PRKAG2: variants seen among roughly 807,000 people sequenced by gnomAD.
PRKAG2 encodes 5'-AMP-activated protein kinase subunit gamma-2.
Under a neutral mutation model 69.6 loss-of-function variants are expected in PRKAG2, and 26 were observed. The ratio of observed to expected loss-of-function variants is 0.37; its 90% CI spans 0.27 to 0.52. The LOEUF is 0.52. Among genes scored for constraint, PRKAG2 ranks in the 20% least tolerant of loss-of-function variants. The pLI is 0.90. For missense variants in PRKAG2, 557 were observed against 740.0 expected, an observed-to-expected ratio of 0.75 and a Z score of 2.87; for synonymous variants, 293 against 285.0, an observed-to-expected ratio of 1.03 and a Z score of -0.28.
Position 151,564,157 on chromosome 7 carries a change from G to C in PRKAG2, c.1505C>G (p.Ser502Ter). The change falls in exon 14 of 16, where the codon TCA (serine) becomes TGA (stop). Residue 502 changes from serine (S) to a stop codon, truncating the protein, a stop_gained. Transcript: ENST00000287878. LOFTEE classifies it high-confidence loss of function. ...CTTCACAACACCTTCAAAATACTGT[G>C]AACGGTGCTGAAGGGCCTGGGTCAC... ...ITVTQALQHR[S>*]QYFEGVVKCN... The C allele has an allele frequency of 3.1e-6, 5 of 1,614,120 alleles. No homozygotes were observed. Among genetic ancestry groups the C allele is most frequent in the Non-Finnish European group, 4.2e-6 (5 of 1,179,998 alleles).
At chr7:151,628,135 G>T (rs73478084) in intron 5 of PRKAG2, among the ~76,000 whole-genome samples, 9 of 152,254 alleles carry the variant, frequency 5.9e-5, no homozygotes, top group South Asian at 4.1e-4. Flanking sequence ...AAACTTGAAA[G>T]AGCCCAGCTC....
At chr7:151,874,737 A>C (rs773518219) in intron 1 of PRKAG2, among the ~76,000 whole-genome samples, 6 of 152,052 alleles carry the variant, frequency 3.9e-5, no homozygotes, top group Non-Finnish European at 8.8e-5. Context: ...AAAATAAATA[A>C]ATTAGATGGG....
At chr7:151,559,981 T>G (rs1804542730) in intron 15 of PRKAG2, 6 of 985,394 alleles carry the variant, frequency 6.1e-6, no homozygotes, top group Non-Finnish European at 4.8e-6. Flanking sequence ...CCTCACTGTC[T>G]GAGACTCTGA....
intron 5 of PRKAG2, among the ~76,000 whole-genome samples, chr7:151,604,941 A>T (rs934390009): frequency 4.6e-5 from 7 of 152,208 alleles, no homozygotes; most frequent in Non-Finnish European, 1.0e-4. Context: ...ACTGGGTTCC[A>T]GGTTTGGGGG....
At chr7:151,863,261 G>A (rs1041254756) in intron 1 of PRKAG2, among the ~76,000 whole-genome samples, 4 of 151,860 alleles carry the variant, frequency 2.6e-5, no homozygotes, top group East Asian at 1.9e-4. Context: ...GTAAGTCCCC[G>A]GGTACAGGGA....
At chr7:151,770,958 C>T (rs2075994881) in intron 3 of PRKAG2, among the ~76,000 whole-genome samples, 3 of 152,186 alleles carry the variant, frequency 2.0e-5, no homozygotes, top group African/African-American at 7.2e-5. Context: ...CCAGTGCAAC[C>T]ACAGGCTCCC....
rs376147052 is a variant in PRKAG2, at chr7:151,695,849, A to G, written c.467-20212T>C. Among the ~76,000 whole-genome samples, 290 of 141,330 alleles carry G rather than the reference A, an allele frequency of 2.1e-3. 1 individual carries two copies. The highest frequency in any genetic ancestry group is 7.2e-3 in the African/African-American group (272 of 37,894). The allele number at this position is 141,330 out of a possible 152,430, so 92.7% of individuals were successfully genotyped here. On this transcript the variant is annotated intron_variant, in intron 3 of 15. Coordinates refer to ENST00000287878, the MANE Select transcript of PRKAG2 (RefSeq NM_016203.4). ...TGGCCTACAGACCTTTGAACTAATC[A>G]CTCTTGGTGGTCTGAATTCTCTGTA...
intron 5 of PRKAG2, among the ~76,000 whole-genome samples, chr7:151,628,640 A>C (rs1823614393): frequency 6.8e-6 from 1 of 148,114 alleles, no homozygotes; most frequent in African/African-American, 2.5e-5. Flanking sequence ...CAGGAGGTTG[A>C]GGCTGCAGTG....
chr7:151,829,123 A>G (rs1012867904), intron 1 of PRKAG2, among the ~76,000 whole-genome samples: 1 of 152,256 alleles, frequency 6.6e-6, no homozygotes, highest in African/African-American at 2.4e-5. Flanking sequence ...AATGAATCAT[A>G]TATCTGATAG....
chr7:151,818,601 C>T (rs1281134866), intron 1 of PRKAG2, among the ~76,000 whole-genome samples: 1 of 152,230 alleles, frequency 6.6e-6, no homozygotes, highest in Admixed American at 6.5e-5. Context: ...CAATAAAGCC[C>T]ATATTCTACC....
intron 9 of PRKAG2, among the ~76,000 whole-genome samples, chr7:151,570,899 C>T (rs1197167314): frequency 6.6e-6 from 1 of 151,990 alleles, no homozygotes; most frequent in Non-Finnish European, 1.5e-5. Context: ...TCCCAAATAG[C>T]TGGGACTAAA....
Position 151,828,496 on chromosome 7 carries a change from A to C in PRKAG2, c.115-41955T>G, listed in dbSNP as rs1315734296. On this transcript the variant is annotated intron_variant, in intron 1 of 15. Coordinates refer to ENST00000287878, the MANE Select transcript of PRKAG2 (RefSeq NM_016203.4). The surrounding 1 kb of genome is among the most constrained non-coding windows in gnomAD (Gnocchi z 4.6). ...AGGTGACACTGCTATAAAGGCTAGC[A>C]AAGCAAACTTAGGAGAGAAAGGAAG... Among the ~76,000 whole-genome samples, 1 of 152,256 alleles carries C rather than the reference A, an allele frequency of 6.6e-6. No individual in the cohort carries two copies. The highest frequency in any genetic ancestry group is 1.5e-5 in the Non-Finnish European group (1 of 68,042).
At chr7:151,579,726 A>G (rs1809882301) in intron 6 of PRKAG2, among the ~76,000 whole-genome samples, 1 of 152,176 alleles carries the variant, frequency 6.6e-6, no homozygotes, top group Non-Finnish European at 1.5e-5. Context: ...AATCCCAGGT[A>G]AGATAAACAC....
chr7:151,778,133 T>C (rs55840279), intron 3 of PRKAG2, among the ~76,000 whole-genome samples: 7,440 of 152,124 alleles, frequency 0.049, 289 homozygotes, highest in Non-Finnish European at 0.069. Context: ...TGGAGGCCCG[T>C]TTCCACACCA....
intron 3 of PRKAG2, among the ~76,000 whole-genome samples, chr7:151,758,515 A>G (rs2075234649): frequency 6.6e-6 from 1 of 152,206 alleles, no homozygotes; most frequent in Admixed American, 6.5e-5. Flanking sequence ...AGGGAAAAGG[A>G]TAAAGGCATG....
intron 1 of PRKAG2, among the ~76,000 whole-genome samples, chr7:151,870,185 G>A (rs934936149): frequency 6.6e-6 from 1 of 151,750 alleles, no homozygotes. Flanking sequence ...AGGCAGGCAG[G>A]CAGGCAGGCA....
chr7:151,729,856 C>G (rs1798646342), intron 3 of PRKAG2, among the ~76,000 whole-genome samples: 1 of 152,224 alleles, frequency 6.6e-6, no homozygotes, highest in Admixed American at 6.5e-5. Flanking sequence ...GACCCCTCGC[C>G]CTGCCTCCAC....
At chr7:151,787,598 A>G (rs534783658) in intron 1 of PRKAG2, among the ~76,000 whole-genome samples, 43 of 152,318 alleles carry the variant, frequency 2.8e-4, no homozygotes, top group African/African-American at 9.4e-4. Flanking sequence ...TTACGCATTC[A>G]TCAGTTGATG....
intron 1 of PRKAG2, among the ~76,000 whole-genome samples, chr7:151,802,389 T>C (rs1286117613): frequency 6.6e-6 from 1 of 152,136 alleles, no homozygotes; most frequent in Non-Finnish European, 1.5e-5. Flanking sequence ...ACTCTGACCT[T>C]CCAGGATGGC....
Sources: allele counts gnomAD v4.1 joint callset (sites outside exome capture counted in the v4.1 genomes callset), GRCh38; gene constraint gnomAD v4.1.1; non-coding constraint Gnocchi (gnomAD v3.1); transcripts MANE v1.5; gene names NCBI Gene and HGNC (gene_info 2026-07-23, HGNC 2026-07-21).